Variants in SGCZ observed in about 807,000 individuals in gnomAD.
The protein encoded by SGCZ is sarcoglycan zeta, also known as zeta-sarcoglycan.
In SGCZ, 40 loss-of-function variants were observed where a neutral mutation model predicts 41.3. That is an observed-to-expected ratio of 0.97 (90% confidence interval 0.75 to 1.26). The LOEUF (loss-of-function observed/expected upper bound fraction) is 1.26, where lower values mean the gene tolerates loss of function less well. Ranked by LOEUF, SGCZ falls within the 50% of genes most tolerant of loss-of-function variation. SGCZ has a pLI of 0.00. For missense variants in SGCZ, 552 were observed against 369.8 expected (o/e 1.49, Z -4.04); for synonymous variants, 206 against 137.5 (o/e 1.50, Z -3.49).
intron 2 of SGCZ, among the ~76,000 whole-genome samples, chr8:14,380,729 G>A (rs1804330800): frequency 6.6e-6 from 1 of 152,126 alleles, no homozygotes; most frequent in Admixed American, 6.5e-5. Context: ...GTGCGTATCT[G>A]CAGTCCCAGC....
At chr8:15,132,883 G>GTAA (rs1416315605) in intron 1 of SGCZ, among the ~76,000 whole-genome samples, 2 of 152,178 alleles carry the variant, frequency 1.3e-5, no homozygotes, top group Non-Finnish European at 2.9e-5. Context: ...ACCCATGCCT[G>GTAA]TAATCTCACC....
chr8:14,850,111 T>C (rs888283269), intron 1 of SGCZ, among the ~76,000 whole-genome samples: 1 of 152,226 alleles, frequency 6.6e-6, no homozygotes, highest in African/African-American at 2.4e-5. Context: ...AAATTTATTT[T>C]CAATGCCTTC....
At chr8:14,811,723 G>A (rs1006124711) in intron 1 of SGCZ, among the ~76,000 whole-genome samples, 4 of 151,568 alleles carry the variant, frequency 2.6e-5, no homozygotes, top group Admixed American at 1.3e-4. Flanking sequence ...ACGCACTGCC[G>A]TGATCATACA....
At chr8:14,696,208 T>C (rs1808957086) in intron 1 of SGCZ, among the ~76,000 whole-genome samples, 2 of 152,178 alleles carry the variant, frequency 1.3e-5, no homozygotes, top group Admixed American at 1.3e-4. Context: ...ACATTTAATA[T>C]GCCTTTAATC....
In SGCZ at chr8:14,915,851, G is replaced by A. The variant is rs117715383; in HGVS notation, c.39+321734C>T. On this transcript the variant is annotated intron_variant, in intron 1 of 7. Coordinates refer to ENST00000382080, the MANE Select transcript of SGCZ (RefSeq NM_139167.4). ...TCCTCTCCTTAACCCACCCACATGT[G>A]TCTGCGTCCTGAATTCTTTCTCAGT... is the stretch of plus-strand genomic sequence containing the variant. 5.7e-3 allele frequency among the ~76,000 whole-genome samples: 864 copies of A among 152,170 alleles called. 9 individuals carry two copies. The highest frequency in any genetic ancestry group is 0.03 in the East Asian group (157 of 5,168).
chr8:14,470,737 A>T (rs570450118), intron 2 of SGCZ, among the ~76,000 whole-genome samples: 2 of 152,318 alleles, frequency 1.3e-5, no homozygotes, highest in East Asian at 3.9e-4. Flanking sequence ...TATGTATAAA[A>T]AGTGCCAAAT....
At chr8:15,103,124 A>T (rs1213829458) in intron 1 of SGCZ, among the ~76,000 whole-genome samples, 1 of 152,104 alleles carries the variant, frequency 6.6e-6, no homozygotes, top group Non-Finnish European at 1.5e-5. Context: ...GTCACAGCTC[A>T]GTGCAGTGGC....
At chr8:15,234,949 C>A (rs909591254) in intron 1 of SGCZ, among the ~76,000 whole-genome samples, 1 of 152,114 alleles carries the variant, frequency 6.6e-6, no homozygotes, top group Non-Finnish European at 1.5e-5. Context: ...TATCAAACCC[C>A]AGTAAACATT....
chr8:14,820,876 C>CA (rs113992723), intron 1 of SGCZ, among the ~76,000 whole-genome samples: 9,834 of 139,300 alleles, frequency 0.071, 483 homozygotes, highest in African/African-American at 0.16. Context: ...GATCAAAAAA[C>CA]AAAAAAAGAT....
intron 1 of SGCZ, among the ~76,000 whole-genome samples, chr8:14,877,841 C>T (rs529261032): frequency 7.2e-5 from 11 of 151,924 alleles, no homozygotes; most frequent in African/African-American, 2.7e-4. Flanking sequence ...TGGTTACTTA[C>T]AATAGTTCTA....
chr8:14,244,906 G>C (rs187893121), intron 3 of SGCZ, among the ~76,000 whole-genome samples: 2 of 151,844 alleles, frequency 1.3e-5, no homozygotes, highest in Non-Finnish European at 2.9e-5. Flanking sequence ...TCTGTTATTG[G>C]TGTATAAGAA....
intron 5 of SGCZ, among the ~76,000 whole-genome samples, chr8:14,115,257 C>G (rs1355741604): frequency 6.6e-6 from 1 of 151,936 alleles, no homozygotes; most frequent in Non-Finnish European, 1.5e-5. Context: ...AGTGAGAAAG[C>G]ATAATCAAGA....
intron 1 of SGCZ, among the ~76,000 whole-genome samples, chr8:14,671,542 T>C (rs1050291183): frequency 6.6e-6 from 1 of 152,174 alleles, no homozygotes; most frequent in African/African-American, 2.4e-5. Context: ...AAGGACTTAT[T>C]TTGCAACTCT....
At chr8:14,254,171 G>A (rs1163941961) in intron 3 of SGCZ, among the ~76,000 whole-genome samples, 2 of 152,098 alleles carry the variant, frequency 1.3e-5, no homozygotes, top group Non-Finnish European at 2.9e-5. Context: ...TAATCAGCTT[G>A]TTCCTAGAGG....
intron 1 of SGCZ, among the ~76,000 whole-genome samples, chr8:15,154,813 G>T: frequency 6.6e-6 from 1 of 152,296 alleles, no homozygotes. Flanking sequence ...GCCAGAATTT[G>T]TATAAAAAGT....
intron 1 of SGCZ, among the ~76,000 whole-genome samples, chr8:14,848,825 G>A (rs1192997018): frequency 1.3e-5 from 2 of 152,154 alleles, no homozygotes; most frequent in Non-Finnish European, 2.9e-5. Context: ...ATCAATAAAA[G>A]GACAAAAGGA....
At chr8:15,129,109 A>G (rs1015428528) in intron 1 of SGCZ, among the ~76,000 whole-genome samples, 42 of 152,182 alleles carry the variant, frequency 2.8e-4, no homozygotes, top group Non-Finnish European at 5.6e-4. Context: ...CCTTTCAAAT[A>G]AAGTATCTTC....
chr8:14,544,703 G>A (rs772318882), intron 2 of SGCZ, among the ~76,000 whole-genome samples: 18 of 152,042 alleles, frequency 1.2e-4, no homozygotes, highest in Non-Finnish European at 2.1e-4. Context: ...ATTTGTGCTC[G>A]ACCGGTTCTC....
Position 14,340,243 on chromosome 8 carries a change from C to G in SGCZ, c.235-16039G>C, listed in dbSNP as rs993334355. Among the ~76,000 whole-genome samples the G allele has an allele frequency of 3.3e-5, 5 of 152,026 alleles. No homozygotes were observed. The East Asian group carries it at 9.7e-4, about 29-fold the overall frequency. ...AAGATTTCTTCCCATGTTGCTAACA[C>G]TCTTATACTTTCAAAAAGCCAATTT... On this transcript the variant is annotated intron_variant, in intron 2 of 7. Transcript: ENST00000382080.
Sources: gnomAD v4.1 joint callset for allele counts (sites outside exome capture counted in the v4.1 genomes callset) on GRCh38, gnomAD v4.1.1 for gene constraint, MANE v1.5 for transcripts, NCBI Gene and HGNC (gene_info 2026-07-23, HGNC 2026-07-21) for gene names.